Variants in LIMD1 observed in about 807,000 individuals in gnomAD.
LIMD1 encodes the protein LIM domain containing 1.
A neutral mutation model predicts 58.4 loss-of-function variants in LIMD1; 23 were observed. The observed-to-expected ratio is 0.39, with a 90% CI of 0.28 to 0.56. The LOEUF is 0.56. Among genes scored for constraint, LIMD1 ranks in the 20% least tolerant of loss-of-function variants. LIMD1 has a pLI of 0.57. For missense variants in LIMD1, 838 were observed against 855.5 expected (o/e 0.98, Z 0.25); for synonymous variants, 334 against 345.5 (o/e 0.97, Z 0.37).
At chr3:45,607,317 G>A (rs960718629) in intron 1 of LIMD1, among the ~76,000 whole-genome samples, 2 of 152,118 alleles carry the variant, frequency 1.3e-5, no homozygotes, top group Admixed American at 6.5e-5. Flanking sequence ...GAAGGCAGGA[G>A]ACTTTCTGCT....
chr3:45,658,748 C>T (rs1244319534), intron 2 of LIMD1, among the ~76,000 whole-genome samples: 1 of 151,284 alleles, frequency 6.6e-6, no homozygotes, highest in Non-Finnish European at 1.5e-5. Flanking sequence ...AGAGAGGGGG[C>T]TTTTCCATGT....
chr3:45,624,193 A>G (rs1559517409), intron 1 of LIMD1, among the ~76,000 whole-genome samples: 1 of 152,184 alleles, frequency 6.6e-6, no homozygotes, highest in Non-Finnish European at 1.5e-5. Context: ...GCAGATGCTG[A>G]CTGGATGCCC....
rs1212132783 is a variant in LIMD1, at chr3:45,595,338, C to G, written c.459C>G (p.Ser153Arg). The G allele has an allele frequency of 5.6e-6, 9 of 1,613,496 alleles. No homozygotes were observed. Among genetic ancestry groups the G allele is most frequent in the Admixed American group, 5.0e-5 (3 of 60,018 alleles). The change falls in exon 1 of 8, where the codon AGC (serine) becomes AGG (arginine). Residue 153 changes from serine (S) to arginine (R), a missense_variant. Coordinates refer to ENST00000273317, the MANE Select transcript of LIMD1 (RefSeq NM_014240.3). The part of the protein sequence containing the change: ...HGSQDCGSRE[S>R]LATSEMSAFH... The stretch of plus-strand genomic sequence containing the variant: ...GCCAGGACTGTGGTTCCAGGGAGAG[C>G]CTGGCGACTTCTGAGATGTCTGCTT...
intron 5 of LIMD1, 110 bp downstream of exon 5, chr3:45,672,930 C>G: frequency 7.5e-7 from 1 of 1,327,124 alleles, no homozygotes. Context: ...CCTTAGATCA[C>G]AGTCCAGCAA....
intron 2 of LIMD1, among the ~76,000 whole-genome samples, chr3:45,661,939 G>T (rs1697446925): frequency 6.6e-6 from 1 of 152,080 alleles, no homozygotes; most frequent in African/African-American, 2.4e-5. Context: ...TTTATTATTT[G>T]TAGAGATGGG....
In LIMD1 at chr3:45,665,720, G is replaced by A; in HGVS notation, c.1578+3G>A. The A allele has an allele frequency of 6.2e-7, 1 of 1,613,858 alleles. No individual in the cohort carries two copies. The highest frequency in any genetic ancestry group is 2.2e-5 in the East Asian group (1 of 44,878). On this transcript the variant is annotated splice_donor_region_variant and intron_variant, in intron 3 of 7. Coordinates refer to ENST00000273317, the MANE Select transcript of LIMD1 (RefSeq NM_014240.3). ...TGTTTTGTGAAGAAGACTTCCTGGT[G>A]AGTGTGTCACCGAAGCCTCCCCTTG... is the stretch of plus-strand genomic sequence containing the variant.
chr3:45,642,533 A>C (rs1701854090), intron 2 of LIMD1, among the ~76,000 whole-genome samples: 1 of 152,208 alleles, frequency 6.6e-6, no homozygotes, highest in Non-Finnish European at 1.5e-5. Flanking sequence ...TAGCTCAGCT[A>C]CTGTCACTTT....
intron 1 of LIMD1, among the ~76,000 whole-genome samples, chr3:45,619,051 A>G (rs931010089): frequency 2.0e-5 from 3 of 152,258 alleles, no homozygotes; most frequent in Non-Finnish European, 4.4e-5. Flanking sequence ...TTAAAAAACT[A>G]TACTCTCTAG....
At chr3:45,626,793 G>A (rs1701671047) in intron 1 of LIMD1, among the ~76,000 whole-genome samples, 1 of 151,908 alleles carries the variant, frequency 6.6e-6, no homozygotes, top group East Asian at 1.9e-4. Context: ...ACTCTGGTGG[G>A]GGCTGTTGAT....
rs190850537 is a variant in LIMD1, at chr3:45,679,818, T to C, written c.*2759T>C. On this transcript the variant is annotated 3_prime_UTR_variant, in exon 8 of 8. Transcript: ENST00000273317. ...AATACAAGGATCCATTCGTAATCTC[T>C]CTCTCACTGATGTTATTCCCCCATC... is the stretch of plus-strand genomic sequence containing the variant. The C allele has an allele frequency of 1.3e-5, 2 of 152,306 alleles. No individual in the cohort carries two copies. The highest frequency in any genetic ancestry group is 2.1e-4 in the South Asian group (1 of 4,834). 9.4% of individuals were successfully genotyped at this position (152,306 alleles called of 1,614,324 possible). A position where few individuals can be genotyped will look rare whatever the true frequency, so the allele number is the denominator to read the frequency against.
intron 2 of LIMD1, among the ~76,000 whole-genome samples, 186 bp from the exon 3 acceptor site, chr3:45,665,464 C>A (rs1045731067): frequency 6.6e-6 from 1 of 152,172 alleles, no homozygotes; most frequent in Admixed American, 6.5e-5. Context: ...CCCTTCCTCC[C>A]GGCCTCAGCC....
intron 1 of LIMD1, among the ~76,000 whole-genome samples, chr3:45,633,642 CAGA>C (rs1701758725): frequency 2.0e-5 from 3 of 152,306 alleles, no homozygotes; most frequent in African/African-American, 4.8e-5. Flanking sequence ...AATGTTGAAA[CAGA>C]AGAAGAACTG....
intron 1 of LIMD1, among the ~76,000 whole-genome samples, chr3:45,603,764 A>AG (rs1205864360): frequency 6.6e-6 from 1 of 152,282 alleles, no homozygotes; most frequent in Admixed American, 6.5e-5. Flanking sequence ...AGCCTCCCAA[A>AG]GTGCTGGGAT....
At chr3:45,644,053 T>C (rs576916520) in intron 2 of LIMD1, among the ~76,000 whole-genome samples, 1 of 152,316 alleles carries the variant, frequency 6.6e-6, no homozygotes, top group African/African-American at 2.4e-5. Flanking sequence ...AAAATCTCAC[T>C]TGTTGAGACC....
chr3:45,621,847 A>G (rs4407434), intron 1 of LIMD1, among the ~76,000 whole-genome samples: 152,245 of 152,246 alleles, frequency 1, 76,122 homozygotes, highest in Middle Eastern at 1. Flanking sequence ...GGTGGATCAA[A>G]AAGTCAGGAG....
chr3:45,669,929 C>A (rs1436338500), intron 4 of LIMD1, among the ~76,000 whole-genome samples: 1 of 152,158 alleles, frequency 6.6e-6, no homozygotes, highest in African/African-American at 2.4e-5. Flanking sequence ...TGGTTATATG[C>A]TAATATTTAT....
intron 1 of LIMD1, chr3:45,632,450 G>A (rs2125657383): frequency 1.1e-6 from 1 of 910,974 alleles, no homozygotes; most frequent in Non-Finnish European, 1.3e-6. Context: ...AGTGCACTCT[G>A]TCTGTGGCTG....
At chr3:45,639,212 C>G (rs1303097228) in intron 2 of LIMD1, among the ~76,000 whole-genome samples, 1 of 152,118 alleles carries the variant, frequency 6.6e-6, no homozygotes, top group Non-Finnish European at 1.5e-5. Flanking sequence ...TGTATCAGAT[C>G]TTTGTTTACA....
chr3:45,618,710 T>C (rs1701600465), intron 1 of LIMD1, among the ~76,000 whole-genome samples: 1 of 152,168 alleles, frequency 6.6e-6, no homozygotes, highest in Admixed American at 6.5e-5. Context: ...GATGCATTTA[T>C]TGTCACAGCC....
Sources: gnomAD v4.1 joint callset for allele counts (sites outside exome capture counted in the v4.1 genomes callset) on GRCh38, gnomAD v4.1.1 for gene constraint, MANE v1.5 for transcripts, NCBI Gene and HGNC (gene_info 2026-07-23, HGNC 2026-07-21) for gene names.